Variants in TAFA2 observed in about 807,000 individuals in gnomAD.
TAFA2 encodes the protein chemokine-like protein TAFA-2.
TAFA2 carries 7 observed loss-of-function variants against 18.8 expected under a neutral mutation model. The ratio of observed to expected loss-of-function variants is 0.37; its 90% CI spans 0.21 to 0.70. The LOEUF (loss-of-function observed/expected upper bound fraction) is 0.70. Ranked by LOEUF, TAFA2 falls within the 30% of genes least tolerant of loss-of-function variation. The pLI is 0.53. For missense variants in TAFA2, 122 were observed against 158.1 expected, an observed-to-expected ratio of 0.77 and a Z score of 1.23; for synonymous variants, 60 against 54.2, an observed-to-expected ratio of 1.11 and a Z score of -0.47.
At chr12:61,960,390 C>T (rs1407428664) in intron 1 of TAFA2, among the ~76,000 whole-genome samples, 2 of 151,942 alleles carry the variant, frequency 1.3e-5, no homozygotes, top group Non-Finnish European at 2.9e-5. Context: ...GTCTAATTAT[C>T]ATTGAATGCC....
At chr12:62,245,830 T>C (rs1028758401) in intron 1 of TAFA2, among the ~76,000 whole-genome samples, 5 of 149,698 alleles carry the variant, frequency 3.3e-5, no homozygotes, top group African/African-American at 1.2e-4. Context: ...GGTTTCTGTT[T>C]TCTATTTTAT....
chr12:61,967,165 A>T (rs763504139), intron 1 of TAFA2, among the ~76,000 whole-genome samples: 6 of 151,750 alleles, frequency 4.0e-5, no homozygotes, highest in Non-Finnish European at 5.9e-5. Context: ...ATCTTTTTCT[A>T]TGTGCATATT....
intron 1 of TAFA2, among the ~76,000 whole-genome samples, chr12:62,229,835 G>A (rs1489168671): frequency 6.6e-6 from 1 of 151,604 alleles, no homozygotes; most frequent in Non-Finnish European, 1.5e-5. Context: ...TGAAGTCATC[G>A]TGTCCTGGAT....
At chr12:61,865,029 C>A (rs1874294213) in intron 2 of TAFA2, among the ~76,000 whole-genome samples, 1 of 152,078 alleles carries the variant, frequency 6.6e-6, no homozygotes, top group Admixed American at 6.5e-5. Flanking sequence ...CATTGGTAGC[C>A]AAACATTCCA....
chr12:61,842,583 T>C (rs577599305), intron 2 of TAFA2, among the ~76,000 whole-genome samples: 2 of 152,122 alleles, frequency 1.3e-5, no homozygotes, highest in African/African-American at 4.8e-5. Flanking sequence ...TCCAGTGAAC[T>C]CATTAAAATA....
intron 1 of TAFA2, among the ~76,000 whole-genome samples, chr12:62,202,818 G>GTTA (rs1191148117): frequency 2.1e-5 from 2 of 94,840 alleles, no homozygotes; most frequent in East Asian, 4.4e-4. Context: ...TAGCTGTGTG[G>GTTA]TTCTTTTTTT....
rs747048496 is a variant in TAFA2 at position 61,708,361 on chromosome 12, C to A, written c.*2045G>T. 26 of 152,020 alleles carry A rather than the reference C, an allele frequency of 1.7e-4. No homozygotes were observed. The highest frequency in any genetic ancestry group is 2.1e-4 in the Non-Finnish European group (14 of 67,948). The allele number at this position is 152,020 out of a possible 1,614,324, so 9.4% of individuals were successfully genotyped here. A position where few individuals can be genotyped will look rare whatever the true frequency, so the allele number is the denominator to read the frequency against. ...TAATCTAGTTAGTATATTTGAAATTCCATGTTTTTTTTCTATTATATGCAT... is the reference window on the plus strand; with the variant it reads ...TAATCTAGTTAGTATATTTGAAATTACATGTTTTTTTTCTATTATATGCAT... On this transcript the variant is annotated 3_prime_UTR_variant, in exon 5 of 5. Transcript: ENST00000416284.
At chr12:62,032,431 C>A (rs1426810706) in intron 1 of TAFA2, among the ~76,000 whole-genome samples, 1 of 151,996 alleles carries the variant, frequency 6.6e-6, no homozygotes, top group East Asian at 1.9e-4. Flanking sequence ...TTTTGCAAAT[C>A]AAATATATGT....
intron 1 of TAFA2, among the ~76,000 whole-genome samples, chr12:61,975,024 G>GA (rs1285766943): frequency 7.9e-6 from 1 of 127,078 alleles, no homozygotes; most frequent in Non-Finnish European, 1.9e-5. Context: ...TGAACCAATA[G>GA]ATTTTTTTTT....
chr12:61,951,893 A>C (rs918421514), intron 1 of TAFA2, among the ~76,000 whole-genome samples: 1 of 151,134 alleles, frequency 6.6e-6, no homozygotes, highest in African/African-American at 2.4e-5. Context: ...CACTTAATTA[A>C]AAAAAAAAGC....
intron 2 of TAFA2, chr12:61,776,413 TA>T (rs34038005): frequency 3.6e-4 from 56 of 156,936 alleles, no homozygotes; most frequent in Middle Eastern, 2.9e-3. Context: ...TAATAGATGT[TA>T]AAAAAAAAGA....
intron 1 of TAFA2, among the ~76,000 whole-genome samples, chr12:62,111,799 G>A (rs557537421): frequency 6.6e-6 from 1 of 152,196 alleles, no homozygotes; most frequent in East Asian, 1.9e-4. Flanking sequence ...CAGAGAGTAG[G>A]ATTGCAACCC....
chr12:61,749,990 A>G (rs1325773002), intron 4 of TAFA2, among the ~76,000 whole-genome samples: 1 of 141,148 alleles, frequency 7.1e-6, no homozygotes, highest in Admixed American at 7.1e-5. Flanking sequence ...ATATCAAAAC[A>G]CCCCACACAC....
intron 1 of TAFA2, among the ~76,000 whole-genome samples, chr12:62,032,944 T>C (rs950696116): frequency 6.6e-6 from 1 of 152,174 alleles, no homozygotes; most frequent in Non-Finnish European, 1.5e-5. Flanking sequence ...ACTATTATTA[T>C]TCTACCCTCA....
At chr12:62,072,129 C>T (rs11174294) in intron 1 of TAFA2, among the ~76,000 whole-genome samples, 34,829 of 151,958 alleles carry the variant, frequency 0.23, 4,444 homozygotes, top group East Asian at 0.47. Flanking sequence ...GGCATGAGGA[C>T]GAACATCCTT....
intron 2 of TAFA2, among the ~76,000 whole-genome samples, chr12:61,799,528 A>T (rs1468668303): frequency 6.6e-6 from 1 of 152,186 alleles, no homozygotes; most frequent in Non-Finnish European, 1.5e-5. Flanking sequence ...TATACATTTA[A>T]AGGTGACAAA....
At chr12:61,732,508 C>T (rs1193141381) in intron 4 of TAFA2, among the ~76,000 whole-genome samples, 1 of 152,078 alleles carries the variant, frequency 6.6e-6, no homozygotes, top group Non-Finnish European at 1.5e-5. Context: ...GACTTTGTAA[C>T]TTCCTCCCTC....
intron 1 of TAFA2, among the ~76,000 whole-genome samples, chr12:62,074,248 C>T (rs1882704760): frequency 6.6e-6 from 1 of 152,210 alleles, no homozygotes; most frequent in Non-Finnish European, 1.5e-5. Context: ...TTCCAGCCAG[C>T]ATGACTGCAC....
intron 1 of TAFA2, among the ~76,000 whole-genome samples, chr12:62,202,691 AG>A (rs1311002289): frequency 1.3e-5 from 2 of 152,144 alleles, no homozygotes; most frequent in Non-Finnish European, 2.9e-5. Context: ...ACTGCATCCC[AG>A]AGATCCTGGT....
Sources: allele counts gnomAD v4.1 joint callset (sites outside exome capture counted in the v4.1 genomes callset), GRCh38; gene constraint gnomAD v4.1.1; transcripts MANE v1.5; gene names NCBI Gene and HGNC (gene_info 2026-07-23, HGNC 2026-07-21).